DACH1: variants seen among roughly 807,000 people sequenced by gnomAD.
The protein encoded by DACH1 is dachshund family transcription factor 1.
Under a neutral mutation model 54.2 loss-of-function variants are expected in DACH1, and 12 were observed. The ratio of observed to expected loss-of-function variants is 0.22; its 90% CI spans 0.14 to 0.36. The LOEUF is 0.36. Ranked by LOEUF, DACH1 falls within the 10% of genes least tolerant of loss-of-function variation. DACH1 has a pLI of 1.00. For missense variants in DACH1, 805 were observed against 929.8 expected (o/e 0.87, Z 1.75); for synonymous variants, 386 against 366.2 (o/e 1.05, Z -0.62).
At chr13:71,792,108 G>T (rs7990646) in intron 1 of DACH1, among the ~76,000 whole-genome samples, 98 of 151,790 alleles carry the variant, frequency 6.5e-4, no homozygotes, top group Admixed American at 5.2e-3. Context: ...CTTCCTTACC[G>T]GATTGTGGTA....
chr13:71,708,770 T>C (rs1594121766), intron 1 of DACH1, among the ~76,000 whole-genome samples: 1 of 152,166 alleles, frequency 6.6e-6, no homozygotes, highest in East Asian at 1.9e-4. Flanking sequence ...CTACATCCAA[T>C]TCTTCTCTAA....
intron 6 of DACH1, among the ~76,000 whole-genome samples, chr13:71,531,961 T>C (rs1052374540): frequency 6.6e-6 from 1 of 151,722 alleles, no homozygotes; most frequent in African/African-American, 2.4e-5. Flanking sequence ...TGTATGTGTG[T>C]ATATATATAT....
chr13:71,451,909 A>G (rs1214553210), intron 10 of DACH1, among the ~76,000 whole-genome samples: 1 of 152,222 alleles, frequency 6.6e-6, no homozygotes, highest in Non-Finnish European at 1.5e-5. Context: ...TTGTTAATAA[A>G]TACTCTGAAA....
At chr13:71,458,793 C>T (rs1954247669) in intron 10 of DACH1, among the ~76,000 whole-genome samples, 1 of 151,758 alleles carries the variant, frequency 6.6e-6, no homozygotes, top group African/African-American at 2.4e-5. Context: ...ATAAATAAAA[C>T]CTGACCTAAA....
At chr13:71,550,561 C>G (rs962939512) in intron 6 of DACH1, among the ~76,000 whole-genome samples, 13 of 152,070 alleles carry the variant, frequency 8.5e-5, no homozygotes, top group African/African-American at 3.1e-4. Flanking sequence ...ACCAATTGCC[C>G]ATCATTTACA....
chr13:71,630,832 G>T (rs1260427111), intron 2 of DACH1, 115 bp from the exon 3 acceptor site: 1 of 1,211,656 alleles, frequency 8.3e-7, no homozygotes, highest in Non-Finnish European at 1.1e-6. Context: ...ATTCCTTTAT[G>T]CAACACTTTG....
intron 1 of DACH1, among the ~76,000 whole-genome samples, chr13:71,812,392 C>T (rs992718481): frequency 2.6e-5 from 4 of 152,142 alleles, no homozygotes; most frequent in African/African-American, 9.7e-5. Context: ...TCAACTTCTA[C>T]TCTTAAAAGA....
At chr13:71,805,938 G>A (rs762254806) in intron 1 of DACH1, among the ~76,000 whole-genome samples, 1 of 152,086 alleles carries the variant, frequency 6.6e-6, no homozygotes, top group Non-Finnish European at 1.5e-5. Context: ...CTCCCGAGTA[G>A]CTGGGATTAC....
At chr13:71,729,981 A>T (rs1883662491) in intron 1 of DACH1, among the ~76,000 whole-genome samples, 1 of 152,094 alleles carries the variant, frequency 6.6e-6, no homozygotes, top group Non-Finnish European at 1.5e-5. Flanking sequence ...TTAACAAGTT[A>T]TTCTGTATAT....
At chr13:71,717,553 A>G (rs1327355673) in intron 1 of DACH1, among the ~76,000 whole-genome samples, 1 of 146,504 alleles carries the variant, frequency 6.8e-6, no homozygotes, top group Non-Finnish European at 1.5e-5. Context: ...CATTAATTCT[A>G]TGCCTCTATG....
At chr13:71,699,995 A>G (rs1882033774) in intron 1 of DACH1, among the ~76,000 whole-genome samples, 1 of 152,128 alleles carries the variant, frequency 6.6e-6, no homozygotes, top group Non-Finnish European at 1.5e-5. Context: ...ACACGTTTTA[A>G]TTTTACCAAT....
chr13:71,555,137 C>A (rs747634216), intron 6 of DACH1, among the ~76,000 whole-genome samples: 1 of 151,974 alleles, frequency 6.6e-6, no homozygotes, highest in Non-Finnish European at 1.5e-5. Context: ...CTTATGCATC[C>A]CAAGTTAAAC....
chr13:71,440,797 T>C, intron 10 of DACH1, 105 bp from the exon 11 acceptor site: 1 of 869,042 alleles, frequency 1.2e-6, no homozygotes, highest in Non-Finnish European at 1.8e-6. Flanking sequence ...TTTTATTAGA[T>C]CTTTACTTGG....
At chr13:71,729,352 T>G (rs1230773887) in intron 1 of DACH1, among the ~76,000 whole-genome samples, 1 of 152,044 alleles carries the variant, frequency 6.6e-6, no homozygotes, top group Non-Finnish European at 1.5e-5. Context: ...TGATAGATTT[T>G]AAGAGATACT....
chr13:71,585,914 A>C (rs1007635970), intron 3 of DACH1, among the ~76,000 whole-genome samples: 5 of 152,130 alleles, frequency 3.3e-5, no homozygotes, highest in African/African-American at 1.2e-4. Flanking sequence ...TAGAAAAAAA[A>C]ATCTTGTGTT....
chr13:71,519,669 C>CTT (rs1881424093), intron 6 of DACH1, among the ~76,000 whole-genome samples: 1 of 150,980 alleles, frequency 6.6e-6, no homozygotes, highest in African/African-American at 2.4e-5. Context: ...AGTAATTTTA[C>CTT]TTAGGTAAAT....
At chr13:71,788,148 A>T (rs1044508264) in intron 1 of DACH1, among the ~76,000 whole-genome samples, 11 of 152,190 alleles carry the variant, frequency 7.2e-5, no homozygotes, top group African/African-American at 2.4e-5. Context: ...AACAATTCAC[A>T]GATACAATAA....
chr13:71,504,370 T>C (rs1880149761), intron 6 of DACH1, among the ~76,000 whole-genome samples: 1 of 152,206 alleles, frequency 6.6e-6, no homozygotes, highest in African/African-American at 2.4e-5. Flanking sequence ...CCTGTTATCT[T>C]CTGCTTTGTA....
At chr13:71,482,446 G>T (rs560296485) in intron 7 of DACH1, among the ~76,000 whole-genome samples, 48 of 152,206 alleles carry the variant, frequency 3.2e-4, no homozygotes, top group African/African-American at 1.1e-3. Context: ...AAGGTTTCTC[G>T]AGTGTCACTG....
Sources: allele counts gnomAD v4.1 joint callset (sites outside exome capture counted in the v4.1 genomes callset), GRCh38; gene constraint gnomAD v4.1.1; transcripts MANE v1.5; gene names NCBI Gene and HGNC (gene_info 2026-07-23, HGNC 2026-07-21).